Variants in C10orf90 observed in about 807,000 individuals in gnomAD.
C10orf90 encodes chromosome 10 open reading frame 90, also known as (E2-independent) E3 ubiquitin-conjugating enzyme FATS.
C10orf90 carries 56 observed loss-of-function variants against 62.5 expected under a neutral mutation model. The ratio of observed to expected loss-of-function variants is 0.90; its 90% CI spans 0.72 to 1.12. C10orf90 has a LOEUF of 1.12. C10orf90 is among the 50% of genes most tolerant of loss of function. The pLI, the probability that C10orf90 is intolerant of heterozygous loss-of-function variation, is 0.00. For missense variants in C10orf90, 970 were observed against 880.4 expected (o/e 1.10, Z -1.29); for synonymous variants, 386 against 340.4 (o/e 1.13, Z -1.47).
At chr10:126,603,123 A>C (rs991553010) in intron 2 of C10orf90, among the ~76,000 whole-genome samples, 16 of 152,060 alleles carry the variant, frequency 1.1e-4, no homozygotes, top group Non-Finnish European at 2.4e-4. Flanking sequence ...CTGGAGGTGG[A>C]GCTGGAAGTC....
Position 126,494,814 on chromosome 10 carries a change from G to A in C10orf90, c.1534+9143C>T, listed in dbSNP as rs114163166. 8.3e-3 allele frequency among the ~76,000 whole-genome samples: 1,259 copies of A among 152,360 alleles called. 24 individuals carry two copies. Among genetic ancestry groups the A allele is most frequent in the African/African-American group, 0.029 (1,209 of 41,590 alleles). On this transcript the variant is annotated intron_variant, in intron 4 of 9. Coordinates refer to ENST00000488181, the MANE Select transcript of C10orf90 (RefSeq NM_001350921.2). Reference sequence around the variant, plus strand: ...TTATTTCAAGAACTGGATTAGGCAAGAGTAGGCATTTGAGGAACAGCTTCT... The same window carrying A: ...TTATTTCAAGAACTGGATTAGGCAAAAGTAGGCATTTGAGGAACAGCTTCT...
At chr10:126,536,805 G>A (rs970676525) in intron 2 of C10orf90, among the ~76,000 whole-genome samples, 22 of 152,144 alleles carry the variant, frequency 1.4e-4, no homozygotes, top group Admixed American at 1.2e-3. Context: ...GGCCACACAA[G>A]GAGGCTCAGG....
chr10:126,443,308 C>T lies in C10orf90; in HGVS notation c.2189-13458G>A, dbSNP rs577910220. The stretch of plus-strand genomic sequence containing the variant: ...AAAAGAGGAGAGAAAATCCAAATAA[C>T]CTCAATAAGAAATGAAATGGGAGAT... On this transcript the variant is annotated intron_variant, in intron 7 of 9. Transcript: ENST00000488181. Among the ~76,000 whole-genome samples the T allele has an allele frequency of 3.9e-5, 6 of 152,058 alleles. No homozygotes were observed. The South Asian group carries it at 1.2e-3, about 32-fold the overall frequency.
chr10:126,430,705 C>G (rs1258163330), intron 7 of C10orf90, among the ~76,000 whole-genome samples: 1 of 152,186 alleles, frequency 6.6e-6, no homozygotes, highest in Admixed American at 6.5e-5. Flanking sequence ...CCTGCTCATT[C>G]AGCAGAAGCA....
chr10:126,627,004 T>TC (rs1564898677), intron 2 of C10orf90, among the ~76,000 whole-genome samples: 1 of 146,426 alleles, frequency 6.8e-6, no homozygotes, highest in Non-Finnish European at 1.5e-5. Flanking sequence ...TCTTTTCTTT[T>TC]TTTTTTTTTT....
At chr10:126,657,219 G>A (rs544217991) in intron 1 of C10orf90, among the ~76,000 whole-genome samples, 2 of 152,218 alleles carry the variant, frequency 1.3e-5, no homozygotes, top group East Asian at 1.9e-4. Context: ...AATTGAGCAC[G>A]TTCACAATTT....
intron 2 of C10orf90, among the ~76,000 whole-genome samples, chr10:126,591,309 C>T (rs1253354639): frequency 1.3e-5 from 2 of 152,166 alleles, no homozygotes; most frequent in Non-Finnish European, 2.9e-5. Context: ...AAAATACTGG[C>T]AAACCAAATC....
intron 4 of C10orf90, among the ~76,000 whole-genome samples, chr10:126,472,767 C>G (rs1860645832): frequency 6.6e-6 from 1 of 152,180 alleles, no homozygotes; most frequent in Non-Finnish European, 1.5e-5. Flanking sequence ...AATGTCTGCT[C>G]AGGACCAGAT....
At chr10:126,604,010 G>C (rs1811023593) in intron 2 of C10orf90, among the ~76,000 whole-genome samples, 1 of 152,208 alleles carries the variant, frequency 6.6e-6, no homozygotes, top group Non-Finnish European at 1.5e-5. Context: ...GCCTGGAGTT[G>C]AAATTAGGTG....
At chr10:126,496,545 C>A (rs1337223452) in intron 4 of C10orf90, 3 of 471,704 alleles carry the variant, frequency 6.4e-6, no homozygotes, top group Non-Finnish European at 8.3e-6. Flanking sequence ...CTTGATTATT[C>A]TTACCGAGTT....
chr10:126,596,376 T>TAA (rs35029008), intron 2 of C10orf90, among the ~76,000 whole-genome samples: 4 of 135,568 alleles, frequency 3.0e-5, no homozygotes, highest in Non-Finnish European at 1.7e-5. Flanking sequence ...GACACTTATT[T>TAA]AAAAAAAAAA....
At chr10:126,573,060 T>C (rs1015257150) in intron 2 of C10orf90, among the ~76,000 whole-genome samples, 21 of 152,096 alleles carry the variant, frequency 1.4e-4, no homozygotes, top group African/African-American at 4.1e-4. Flanking sequence ...CACCGAATTG[T>C]AGAAGGAAAG....
intron 2 of C10orf90, among the ~76,000 whole-genome samples, chr10:126,577,275 T>C (rs543424797): frequency 6.6e-6 from 1 of 152,064 alleles, no homozygotes; most frequent in Non-Finnish European, 1.5e-5. Context: ...CAATTATTAT[T>C]TGTCAATTAA....
chr10:126,511,964 A>G (rs1361137414), intron 3 of C10orf90: 1 of 151,452 alleles, frequency 6.6e-6, no homozygotes. Context: ...GCTTGAATGC[A>G]TTTTGGAAGG....
chr10:126,507,000 G>A (rs1216781905), intron 3 of C10orf90, among the ~76,000 whole-genome samples: 1 of 152,008 alleles, frequency 6.6e-6, no homozygotes, highest in African/African-American at 2.4e-5. Context: ...AGTCAGGCAT[G>A]GGAAGATGGT....
Position 126,461,540 on chromosome 10 carries a change from T to C in C10orf90, c.1871A>G (p.Lys624Arg). ...AGGTGTGGTGGGGTCCTCACTCTTC[T>C]TACATTCCTTTATTTTTACAACCAA... ...CDLVVKIKEC[K>R]KSEDPTTPEP... The change falls in exon 6 of 10, where the codon AAG (lysine) becomes AGG (arginine). Residue 624 changes from lysine (K) to arginine (R), a missense_variant. Coordinates refer to ENST00000488181, the MANE Select transcript of C10orf90 (RefSeq NM_001350921.2). The C allele has an allele frequency of 6.2e-7, 1 of 1,613,898 alleles. No individual in the cohort carries two copies. The highest frequency in any genetic ancestry group is 8.5e-7 in the Non-Finnish European group (1 of 1,179,948).
At chr10:126,444,810 G>A (rs933468747) in intron 7 of C10orf90, among the ~76,000 whole-genome samples, 1 of 152,062 alleles carries the variant, frequency 6.6e-6, no homozygotes, top group Non-Finnish European at 1.5e-5. Flanking sequence ...CATGGTACTG[G>A]TATAAAAATA....
chr10:126,442,713 T>C (rs563180179), intron 7 of C10orf90, among the ~76,000 whole-genome samples: 7 of 134,966 alleles, frequency 5.2e-5, no homozygotes, highest in Admixed American at 4.5e-4. Flanking sequence ...ATACACATTC[T>C]ATTTAACAGC....
intron 2 of C10orf90, among the ~76,000 whole-genome samples, chr10:126,617,653 A>T (rs570762535): frequency 6.6e-6 from 1 of 152,372 alleles, no homozygotes; most frequent in African/African-American, 2.4e-5. Context: ...CATTTGCTGG[A>T]ATAACTTCCA....
Sources: allele counts gnomAD v4.1 joint callset (sites outside exome capture counted in the v4.1 genomes callset), GRCh38; gene constraint gnomAD v4.1.1; transcripts MANE v1.5; gene names NCBI Gene and HGNC (gene_info 2026-07-23, HGNC 2026-07-21).